The following TTYH2 variants were observed in gnomAD, a reference collection of about 807,000 sequenced individuals.
TTYH2 encodes the protein tweety family member 2, also known as protein tweety homolog 2.
A neutral mutation model predicts 68.3 loss-of-function variants in TTYH2; 49 were observed. The ratio of observed to expected loss-of-function variants is 0.72; its 90% CI spans 0.57 to 0.91. TTYH2 has a LOEUF of 0.91. Among genes scored for constraint, TTYH2 ranks in the 40% least tolerant of loss-of-function variants. TTYH2 has a pLI of 0.00. For synonymous variants in TTYH2, 272 were observed against 300.8 expected (o/e 0.90, Z 0.99); for missense variants, 631 against 700.4 (o/e 0.90, Z 1.12).
chr17:74,218,575 C>G (rs1032813492), intron 1 of TTYH2, among the ~76,000 whole-genome samples: 3 of 151,864 alleles, frequency 2.0e-5, no homozygotes, highest in African/African-American at 7.3e-5. Flanking sequence ...TCTCAGGCCT[C>G]GCTTTCACTG....
Position 74,232,483 on chromosome 17 carries a change from G to A in TTYH2, c.414+1484G>A, listed in dbSNP as rs939035036. Among the ~76,000 whole-genome samples, 8 of 152,238 alleles carry A rather than the reference G, an allele frequency of 5.3e-5. No homozygotes were observed. The highest frequency in any genetic ancestry group is 4.4e-5 in the Non-Finnish European group (3 of 68,038). On this transcript the variant is annotated intron_variant, in intron 3 of 13. Coordinates refer to ENST00000269346, the MANE Select transcript of TTYH2 (RefSeq NM_032646.6). The surrounding 1 kb of genome is among the most constrained non-coding windows in gnomAD (Gnocchi z 5.1). Reference sequence around the variant, plus strand: ...CTAGTCTGGAACAGCCTTGCGCGGTGAGCTGGGGCGGCTGGGTTGGAGGAG... The same window carrying A: ...CTAGTCTGGAACAGCCTTGCGCGGTAAGCTGGGGCGGCTGGGTTGGAGGAG...
chr17:74,244,950 G>A (rs1377689829), intron 6 of TTYH2, among the ~76,000 whole-genome samples: 1 of 152,042 alleles, frequency 6.6e-6, no homozygotes, highest in East Asian at 1.9e-4. Flanking sequence ...GGAATTCAAG[G>A]AACCCCTCAC....
At chr17:74,219,215 CAA>C (rs567646208) in intron 1 of TTYH2, among the ~76,000 whole-genome samples, 3 of 131,204 alleles carry the variant, frequency 2.3e-5, no homozygotes, top group Admixed American at 7.4e-5. Flanking sequence ...GACTCCGTCT[CAA>C]AAAAAAAAAA....
In TTYH2 at chr17:74,261,686, A is replaced by T. The variant is rs1384530086; in HGVS notation, c.*1477A>T. ...GTTTTGGAAGAACCACCTGTCATCAAAACATGGACAGCAGGGTGTTCTCAG... is the reference window on the plus strand; with the variant it reads ...GTTTTGGAAGAACCACCTGTCATCATAACATGGACAGCAGGGTGTTCTCAG... On this transcript the variant is annotated 3_prime_UTR_variant, in exon 14 of 14. Coordinates refer to ENST00000269346, the MANE Select transcript of TTYH2 (RefSeq NM_032646.6). The T allele has an allele frequency of 6.6e-6, 1 of 152,476 alleles. No homozygotes were observed. Among genetic ancestry groups the T allele is most frequent in the Non-Finnish European group, 1.5e-5 (1 of 68,032 alleles). The allele number at this position is 152,476 out of a possible 1,614,324, so 9.4% of individuals were successfully genotyped here.
At chr17:74,216,530 C>T (rs59447364) in intron 1 of TTYH2, among the ~76,000 whole-genome samples, 5,100 of 150,754 alleles carry the variant, frequency 0.034, 178 homozygotes, top group African/African-American at 0.086. Flanking sequence ...TAGGGGCTCT[C>T]ACTCACTTTC....
At chr17:74,229,473 C>T (rs1369909350) in intron 2 of TTYH2, among the ~76,000 whole-genome samples, 17 of 151,944 alleles carry the variant, frequency 1.1e-4, no homozygotes, top group African/African-American at 3.9e-4. Context: ...CTCCCCACCC[C>T]CAGCCCCACC....
intron 12 of TTYH2, 34 bp downstream of exon 12, chr17:74,253,300 A>G (rs755651661): frequency 2.6e-6 from 4 of 1,535,832 alleles, no homozygotes; most frequent in Admixed American, 2.1e-5. Context: ...GCTGGGTAGC[A>G]CTGCCCGGAC....
chr17:74,258,031 G>A (rs2050710601), intron 13 of TTYH2, among the ~76,000 whole-genome samples: 1 of 151,924 alleles, frequency 6.6e-6, no homozygotes, highest in Non-Finnish European at 1.5e-5. Flanking sequence ...ATGGGTGCCT[G>A]TAATCCCACC....
intron 6 of TTYH2, chr17:74,248,380 G>A (rs931771948): frequency 4.1e-5 from 40 of 986,632 alleles, no homozygotes; most frequent in South Asian, 4.7e-5. Flanking sequence ...TAGCCAGGCC[G>A]TGCTGTGGGG....
intron 6 of TTYH2, 192 bp from the exon 7 acceptor site, chr17:74,248,819 G>A (rs1598229852): frequency 3.5e-6 from 5 of 1,425,808 alleles, no homozygotes; most frequent in East Asian, 2.5e-5. Context: ...GGAAGAATAA[G>A]TAACTTGTCC....
intron 3 of TTYH2, 126 bp from the exon 4 acceptor site, chr17:74,237,167 TG>T: frequency 1.1e-6 from 1 of 922,944 alleles, no homozygotes; most frequent in Non-Finnish European, 1.7e-6. Flanking sequence ...CCCGAAGTGC[TG>T]GGATGACAGG....
rs568793336 is a variant in TTYH2 at position 74,214,884 on chromosome 17, C to T, written c.129+1168C>T. On this transcript the variant is annotated intron_variant, in intron 1 of 13. Coordinates refer to ENST00000269346, the MANE Select transcript of TTYH2 (RefSeq NM_032646.6). This position sits in a 1 kb window ranked among gnomAD's most constrained non-coding sequence, Gnocchi z 4.6. The stretch of plus-strand genomic sequence containing the variant: ...CCTGATCCAGTGTGAGGTGCCCAAG[C>T]GCCAGTGACAGGGAGTCTAATAATA... Among the ~76,000 whole-genome samples, 2 of 152,290 alleles carry T rather than the reference C, an allele frequency of 1.3e-5. No individual in the cohort carries two copies. The highest frequency in any genetic ancestry group is 4.8e-5 in the African/African-American group (2 of 41,566).
intron 2 of TTYH2, among the ~76,000 whole-genome samples, chr17:74,226,566 A>G (rs1426907874): frequency 6.6e-6 from 1 of 152,144 alleles, no homozygotes; most frequent in African/African-American, 2.4e-5. Context: ...AGGGGCAGGA[A>G]GGAGAGTCGG....
chr17:74,227,516 C>A (rs762494863), intron 2 of TTYH2, among the ~76,000 whole-genome samples: 1 of 152,110 alleles, frequency 6.6e-6, no homozygotes, highest in African/African-American at 2.4e-5. Context: ...TGGAGGGTCA[C>A]GGGAAGACAA....
rs552068708 is a variant in TTYH2, at chr17:74,241,265, G to A, written c.636-2109G>A. ...GACAGACCCGGTATTTATAATACGTGTGTGTGTGTGTGTGTGTGTGTGTGT... is the reference window on the plus strand; with the variant it reads ...GACAGACCCGGTATTTATAATACGTATGTGTGTGTGTGTGTGTGTGTGTGT... On this transcript the variant is annotated intron_variant, in intron 4 of 13. Coordinates refer to ENST00000269346, the MANE Select transcript of TTYH2 (RefSeq NM_032646.6). The surrounding 1 kb of genome is among the most constrained non-coding windows in gnomAD (Gnocchi z 4.1). Among the ~76,000 whole-genome samples the A allele has an allele frequency of 1.1e-3, 46 of 41,928 alleles. No homozygotes were observed. Among genetic ancestry groups the A allele is most frequent in the South Asian group, 7.8e-3 (10 of 1,288 alleles). 27.5% of individuals were successfully genotyped at this position (41,928 alleles called of 152,430 possible). A position where few individuals can be genotyped will look rare whatever the true frequency, so the allele number is the denominator to read the frequency against.
At chr17:74,236,360 C>A (rs1440041783) in intron 3 of TTYH2, among the ~76,000 whole-genome samples, 1 of 152,200 alleles carries the variant, frequency 6.6e-6, no homozygotes. Context: ...ATTAGAAATC[C>A]TATTGTGGGG....
At chr17:74,238,867 C>CAAAA (rs56366411) in intron 4 of TTYH2, among the ~76,000 whole-genome samples, 2 of 131,194 alleles carry the variant, frequency 1.5e-5, no homozygotes, top group African/African-American at 5.6e-5. Context: ...AACTCCATCT[C>CAAAA]AAAAAAAAAA....
At chr17:74,253,054 C>T (rs2143780045) in intron 11 of TTYH2, 27 bp from the exon 12 acceptor site, 1 of 1,611,700 alleles carries the variant, frequency 6.2e-7, no homozygotes, top group East Asian at 2.2e-5. Flanking sequence ...CCCTTCACAG[C>T]CGGCCATCTT....
At position 74,222,342 on chromosome 17, in the gene TTYH2, A is replaced by C; in HGVS notation, c.130-143A>C. 1 of 983,960 alleles carries C rather than the reference A, an allele frequency of 1.0e-6. No individual in the cohort carries two copies. The highest frequency in any genetic ancestry group is 1.8e-5 in the South Asian group (1 of 56,718). The allele number at this position is 983,960 out of a possible 1,614,324, so 61.0% of individuals were successfully genotyped here. On this transcript the variant is annotated intron_variant, in intron 1 of 13. Coordinates refer to ENST00000269346, the MANE Select transcript of TTYH2 (RefSeq NM_032646.6). The surrounding 1 kb of genome is among the most constrained non-coding windows in gnomAD (Gnocchi z 5.2). Reference sequence around the variant, plus strand: ...CCGGGCCCTCTGTTTACAGAGTAGGAGCTTGAACCCTAGGTGGAGCTTGGA... The same window carrying C: ...CCGGGCCCTCTGTTTACAGAGTAGGCGCTTGAACCCTAGGTGGAGCTTGGA...
Sources: allele counts gnomAD v4.1 joint callset (sites outside exome capture counted in the v4.1 genomes callset), GRCh38; gene constraint gnomAD v4.1.1; non-coding constraint Gnocchi (gnomAD v3.1); transcripts MANE v1.5; gene names NCBI Gene and HGNC (gene_info 2026-07-23, HGNC 2026-07-21).